MBD5: variants seen among roughly 807,000 people sequenced by gnomAD.
MBD5 encodes the protein methyl-CpG-binding domain protein 5.
In MBD5, 13 loss-of-function variants were observed where a neutral mutation model predicts 117.3. That is an observed-to-expected ratio of 0.11 (90% CI 0.07 to 0.18). The LOEUF (loss-of-function observed/expected upper bound fraction) is 0.18. Among genes scored for constraint, MBD5 ranks in the 10% least tolerant of loss-of-function variants. MBD5 has a pLI of 1.00. For synonymous variants in MBD5, 727 were observed against 766.4 expected (o/e 0.95, Z 0.85); for missense variants, 1,879 against 2,093.8 (o/e 0.90, Z 2.00).
At chr2:148,418,542 C>A (rs1333404160) in intron 4 of MBD5, among the ~76,000 whole-genome samples, 6 of 152,046 alleles carry the variant, frequency 3.9e-5, no homozygotes, top group African/African-American at 1.4e-4. Context: ...TTTACAAAAT[C>A]AATATATACA....
chr2:148,462,491 A>G (rs775496052), intron 5 of MBD5, 91 bp from the exon 6 acceptor site: 62 of 834,870 alleles, frequency 7.4e-5, no homozygotes, highest in Non-Finnish European at 1.2e-4. Context: ...AATATCCCAT[A>G]AAGGACAGTA....
At chr2:148,310,914 A>G (rs1398274259) in intron 3 of MBD5, among the ~76,000 whole-genome samples, 3 of 152,168 alleles carry the variant, frequency 2.0e-5, no homozygotes, top group Admixed American at 2.0e-4. Flanking sequence ...CCCAGTAGTC[A>G]TTCAGGAGCA....
chr2:148,296,888 GAC>G (rs1164664904), intron 3 of MBD5, among the ~76,000 whole-genome samples: 5 of 2,546 alleles, frequency 2.0e-3, no homozygotes, highest in Non-Finnish European at 0.018. Flanking sequence ...TTTTTTTGGA[GAC>G]AGAGTCTCAC....
intron 13 of MBD5, among the ~76,000 whole-genome samples, chr2:148,511,655 A>G (rs1285351492): frequency 1.3e-5 from 2 of 152,184 alleles, no homozygotes; most frequent in African/African-American, 2.4e-5. Context: ...TTTCAGCCAC[A>G]TTTGGTCCAC....
chr2:148,226,798 C>T (rs1699835014), intron 2 of MBD5, among the ~76,000 whole-genome samples: 2 of 152,136 alleles, frequency 1.3e-5, no homozygotes. Context: ...TTTTAATGAT[C>T]ACTATTCTAA....
At chr2:148,258,816 C>T (rs1700658409) in intron 3 of MBD5, among the ~76,000 whole-genome samples, 1 of 152,194 alleles carries the variant, frequency 6.6e-6, no homozygotes, top group African/African-American at 2.4e-5. Flanking sequence ...CCTTTTCTCC[C>T]ATGGGGGCCC....
At chr2:148,040,163 G>A (rs1424818726) in intron 1 of MBD5, among the ~76,000 whole-genome samples, 2 of 152,010 alleles carry the variant, frequency 1.3e-5, no homozygotes, top group Non-Finnish European at 2.9e-5. Context: ...ACCTGCACAT[G>A]TACCCCTGAA....
intron 2 of MBD5, among the ~76,000 whole-genome samples, chr2:148,224,018 A>G (rs1699755483): frequency 6.6e-6 from 1 of 152,108 alleles, no homozygotes; most frequent in Non-Finnish European, 1.5e-5. Context: ...ATTTCCATGT[A>G]TTTGTACAGT....
intron 4 of MBD5, among the ~76,000 whole-genome samples, chr2:148,384,920 T>A (rs1704296694): frequency 6.6e-6 from 1 of 152,030 alleles, no homozygotes; most frequent in African/African-American, 2.4e-5. Flanking sequence ...TGTAGAAAGC[T>A]GAAACTGAAT....
At chr2:148,306,664 A>G (rs1357341416) in intron 3 of MBD5, among the ~76,000 whole-genome samples, 2 of 152,212 alleles carry the variant, frequency 1.3e-5, no homozygotes, top group African/African-American at 2.4e-5. Context: ...AGAACCAGCA[A>G]TGTTTCAAAC....
chr2:148,217,235 T>C (rs954160261), intron 2 of MBD5, among the ~76,000 whole-genome samples: 7 of 152,196 alleles, frequency 4.6e-5, no homozygotes, highest in African/African-American at 1.7e-4. Context: ...GATGAGGATC[T>C]ATCAGCAATG....
chr2:148,224,444 G>A (rs1001338445), intron 2 of MBD5, among the ~76,000 whole-genome samples: 12 of 150,470 alleles, frequency 8.0e-5, no homozygotes, highest in African/African-American at 2.7e-4. Flanking sequence ...CCAGGTTCAA[G>A]CAATTCTCCT....
At chr2:148,185,298 C>T (rs1359933627) in intron 2 of MBD5, among the ~76,000 whole-genome samples, 1 of 152,096 alleles carries the variant, frequency 6.6e-6, no homozygotes, top group Non-Finnish European at 1.5e-5. Context: ...TTCGGGTTTT[C>T]TTATTTCTTG....
At chr2:148,161,120 T>G (rs955134958) in intron 1 of MBD5, among the ~76,000 whole-genome samples, 2 of 152,190 alleles carry the variant, frequency 1.3e-5, no homozygotes, top group African/African-American at 4.8e-5. Context: ...TACACTTAAC[T>G]TTTTCACTGA....
chr2:148,287,027 T>C (rs182898032), intron 3 of MBD5, among the ~76,000 whole-genome samples: 30 of 152,282 alleles, frequency 2.0e-4, no homozygotes, highest in African/African-American at 7.0e-4. Flanking sequence ...TCTATTATGG[T>C]TTTTAAAGAG....
intron 3 of MBD5, among the ~76,000 whole-genome samples, chr2:148,256,502 C>T (rs1347546638): frequency 6.6e-6 from 1 of 152,220 alleles, no homozygotes; most frequent in African/African-American, 2.4e-5. Flanking sequence ...TCTGTATTTT[C>T]CAGGTAGTTA....
chr2:148,249,027 A>G (rs1452586724), intron 3 of MBD5, among the ~76,000 whole-genome samples: 2 of 152,180 alleles, frequency 1.3e-5, no homozygotes, highest in African/African-American at 4.8e-5. Context: ...AGAGACTTAA[A>G]TATGAAAAGC....
chr2:148,285,815 T>C (rs1348145690), intron 3 of MBD5, among the ~76,000 whole-genome samples: 1 of 152,172 alleles, frequency 6.6e-6, no homozygotes, highest in African/African-American at 2.4e-5. Context: ...CACCTTGGCC[T>C]CCCAAAGTGC....
intron 1 of MBD5, among the ~76,000 whole-genome samples, chr2:148,087,841 C>G (rs986091768): frequency 6.6e-6 from 1 of 152,076 alleles, no homozygotes; most frequent in African/African-American, 2.4e-5. Context: ...CACTAGCTTG[C>G]TAGCAATGGA....
Sources: gnomAD v4.1 joint callset for allele counts (sites outside exome capture counted in the v4.1 genomes callset) on GRCh38, gnomAD v4.1.1 for gene constraint, MANE v1.5 for transcripts, NCBI Gene and HGNC (gene_info 2026-07-23, HGNC 2026-07-21) for gene names.